The following RANBP3 variants were observed in gnomAD, a reference collection of about 807,000 sequenced individuals.
RANBP3 encodes the protein ran-binding protein 3.
In RANBP3, 14 loss-of-function variants were observed where a neutral mutation model predicts 77.3. The observed-to-expected ratio is 0.18, with a 90% CI of 0.12 to 0.28. The LOEUF (loss-of-function observed/expected upper bound fraction) is 0.28. RANBP3 is among the 10% of genes least tolerant of loss of function. The pLI, the probability that RANBP3 is intolerant of heterozygous loss-of-function variation, is 1.00. For synonymous variants in RANBP3, 315 were observed against 312.4 expected, an observed-to-expected ratio of 1.01 and a Z score of -0.09; for missense variants, 586 against 752.3, an observed-to-expected ratio of 0.78 and a Z score of 2.59.
chr19:5,948,383 G>A (rs1333997840), intron 3 of RANBP3, among the ~76,000 whole-genome samples: 7 of 151,860 alleles, frequency 4.6e-5, no homozygotes, highest in Admixed American at 3.3e-4. Flanking sequence ...ACCCCAGGAG[G>A]CGGAGCTTGC....
At chr19:5,922,064 T>C (rs372916652) in intron 13 of RANBP3, among the ~76,000 whole-genome samples, 11 of 152,306 alleles carry the variant, frequency 7.2e-5, no homozygotes, top group East Asian at 1.9e-4. Context: ...TTACTGCGAA[T>C]GGACAATGCT....
At chr19:5,923,405 G>A in intron 12 of RANBP3, 102 bp from the exon 13 acceptor site, 1 of 1,182,130 alleles carries the variant, frequency 8.5e-7, no homozygotes, top group Non-Finnish European at 1.2e-6. Flanking sequence ...TGGTCTCAAG[G>A]ACGCCTGCTG....
chr19:5,945,251 C>T (rs1170758083), intron 3 of RANBP3, among the ~76,000 whole-genome samples: 1 of 152,252 alleles, frequency 6.6e-6, no homozygotes, highest in African/African-American at 2.4e-5. Flanking sequence ...GGAACTGGTC[C>T]CCGAGCTCCC....
intron 1 of RANBP3, among the ~76,000 whole-genome samples, chr19:5,967,620 C>G (rs574232612): frequency 6.6e-5 from 10 of 152,312 alleles, no homozygotes; most frequent in African/African-American, 2.2e-4. Flanking sequence ...CCAAACCCTT[C>G]TAAGCTTCCA....
intron 1 of RANBP3, among the ~76,000 whole-genome samples, chr19:5,961,790 G>C (rs1053229741): frequency 1.3e-5 from 2 of 152,012 alleles, no homozygotes; most frequent in Non-Finnish European, 2.9e-5. Context: ...CCACAGACTA[G>C]AGGCTGAGCA....
intron 1 of RANBP3, among the ~76,000 whole-genome samples, chr19:5,962,238 AG>A (rs1441662868): frequency 1.3e-5 from 2 of 152,176 alleles, no homozygotes; most frequent in African/African-American, 4.8e-5. Context: ...CATTCTGTGC[AG>A]GGCGCCACAG....
chr19:5,977,785 G>A (rs960632219), intron 1 of RANBP3, among the ~76,000 whole-genome samples: 10 of 152,192 alleles, frequency 6.6e-5, no homozygotes, highest in African/African-American at 2.4e-4. Context: ...GCTTGGCTGC[G>A]ACGCAGAGGG....
At chr19:5,918,917 A>C (rs2057781461) in intron 14 of RANBP3, among the ~76,000 whole-genome samples, 1 of 152,272 alleles carries the variant, frequency 6.6e-6, no homozygotes, top group Non-Finnish European at 1.5e-5. Context: ...CAGAGGCCAC[A>C]TGCAGCTTGT....
At chr19:5,936,786 T>C (rs1174329186) in intron 5 of RANBP3, among the ~76,000 whole-genome samples, 2 of 152,050 alleles carry the variant, frequency 1.3e-5, no homozygotes, top group African/African-American at 4.8e-5. Context: ...CACCCACTGA[T>C]GCCAACAGAA....
intron 14 of RANBP3, among the ~76,000 whole-genome samples, chr19:5,920,709 G>A (rs376393392): frequency 1.3e-5 from 2 of 152,022 alleles, no homozygotes; most frequent in African/African-American, 4.8e-5. Flanking sequence ...CACCATGCCC[G>A]GCTAATTTTT....
intron 2 of RANBP3, 84 bp from the exon 3 acceptor site, chr19:5,951,680 G>T: frequency 7.7e-7 from 1 of 1,303,210 alleles, no homozygotes; most frequent in Non-Finnish European, 1.1e-6. Context: ...GTCAGAGGCT[G>T]GAGCTGGCTC....
At chr19:5,960,987 G>A (rs1395965082) in intron 1 of RANBP3, among the ~76,000 whole-genome samples, 1 of 152,160 alleles carries the variant, frequency 6.6e-6, no homozygotes, top group Non-Finnish European at 1.5e-5. Context: ...AGAAAGCCAG[G>A]GTGGAGTCCA....
At chr19:5,948,804 T>C (rs1198460291) in intron 3 of RANBP3, among the ~76,000 whole-genome samples, 1 of 152,072 alleles carries the variant, frequency 6.6e-6, no homozygotes, top group East Asian at 1.9e-4. Flanking sequence ...CTAATAAACA[T>C]ATCTGAAGCT....
intron 9 of RANBP3, 61 bp from the exon 10 acceptor site, chr19:5,925,798 TCA>T: frequency 7.2e-7 from 1 of 1,384,416 alleles, no homozygotes; most frequent in Non-Finnish European, 1.0e-6. Context: ...GTTCCACAGC[TCA>T]GTGTCTGCAG....
chr19:5,925,459 C>T, intron 10 of RANBP3, 175 bp downstream of exon 10: 1 of 621,728 alleles, frequency 1.6e-6, no homozygotes, highest in East Asian at 2.8e-5. Flanking sequence ...CAAGGCCCAC[C>T]ACCCTGGCCC....
intron 5 of RANBP3, among the ~76,000 whole-genome samples, chr19:5,939,222 G>C (rs1403359763): frequency 6.6e-6 from 1 of 152,152 alleles, no homozygotes; most frequent in East Asian, 1.9e-4. Context: ...TGCATTACTT[G>C]TATAAAATTT....
At chr19:5,977,413 A>G (rs2058606479) in intron 1 of RANBP3, among the ~76,000 whole-genome samples, 1 of 152,152 alleles carries the variant, frequency 6.6e-6, no homozygotes, top group Admixed American at 6.5e-5. Context: ...AAAGGGCCAA[A>G]GAGCAGCCAG....
At position 5,918,544 on chromosome 19, in the gene RANBP3, G is replaced by C. The variant is rs2057775760; in HGVS notation, c.1425C>G (p.Ile475Met). ...CCTGGTCCTCGGTGTCCATGGCTGT[G>C]ATGCGAATGCTCTTCTCGCTGGCCT... Reference protein sequence around the residue: ...IDKASEKSIRITAMDTEDQGV... With the variant: ...IDKASEKSIRMTAMDTEDQGV... Residue 475 changes from isoleucine to methionine, a missense_variant, in exon 15 of 17, where the codon ATC (isoleucine) becomes ATG (methionine). Ile to Met is a conservative substitution (Grantham distance 10, BLOSUM62 1). Around this residue, in one of 5 missense-constraint regions of RANBP3, gnomAD observed 128 missense variants for 157.0 expected, o/e 0.82. Coordinates refer to ENST00000340578, the MANE Select transcript of RANBP3 (RefSeq NM_007322.3). 2 of 1,613,586 alleles carry C rather than the reference G, an allele frequency of 1.2e-6. No homozygotes were observed. The highest frequency in any genetic ancestry group is 1.7e-6 in the Non-Finnish European group (2 of 1,179,888).
chr19:5,932,362 C>T (rs772252140), intron 7 of RANBP3, 90 bp downstream of exon 7: 2 of 970,720 alleles, frequency 2.1e-6, no homozygotes, highest in African/African-American at 1.6e-5. Context: ...TCAGCAGTCA[C>T]CTCTGTCGCA....
Sources: gnomAD v4.1 joint callset for allele counts (sites outside exome capture counted in the v4.1 genomes callset) on GRCh38, gnomAD v4.1.1 for gene constraint, gnomAD v4.1.1 regional missense constraint, MANE v1.5 for transcripts, NCBI Gene and HGNC (gene_info 2026-07-23, HGNC 2026-07-21) for gene names.